ROBO2: variants seen among roughly 807,000 people sequenced by gnomAD.
ROBO2 encodes the protein roundabout homolog 2.
ROBO2 carries 53 observed loss-of-function variants against 160.8 expected under a neutral mutation model. The observed-to-expected ratio is 0.33, with a 90% CI of 0.26 to 0.41. ROBO2 has a LOEUF of 0.41. ROBO2 is among the 10% of genes least tolerant of loss of function. The pLI, the probability that ROBO2 is intolerant of heterozygous loss-of-function variation, is 1.00. For synonymous variants in ROBO2, 664 were observed against 611.7 expected (o/e 1.09, Z -1.26); for missense variants, 1,577 against 1,722.4 (o/e 0.92, Z 1.49).
intron 19 of ROBO2, among the ~76,000 whole-genome samples, chr3:77,600,024 T>G (rs919055867): frequency 6.6e-6 from 1 of 152,138 alleles, no homozygotes; most frequent in Non-Finnish European, 1.5e-5. Flanking sequence ...CAATTCCAAG[T>G]AGAGGAAGCA....
At chr3:77,213,150 G>GGCATTGAATCT (rs2084423318) in intron 2 of ROBO2, among the ~76,000 whole-genome samples, 1 of 152,134 alleles carries the variant, frequency 6.6e-6, no homozygotes, top group African/African-American at 2.4e-5. Context: ...CAGAAGGAAT[G>GGCATTGAATCT]GTACCAGCTC....
chr3:76,753,744 A>G (rs1272630952), intron 2 of ROBO2, among the ~76,000 whole-genome samples: 1 of 151,902 alleles, frequency 6.6e-6, no homozygotes, highest in African/African-American at 2.4e-5. Context: ...AACTTTTTTC[A>G]TTAAAATTTC....
Position 77,215,971 on chromosome 3 carries a change from G to A in ROBO2, c.388+117631G>A, listed in dbSNP as rs188512788. On this transcript the variant is annotated intron_variant, in intron 2 of 25. Coordinates refer to ENST00000461745, the Ensembl canonical transcript of ROBO2. ...GTTTCAGAGGAGTACCCAGCCGTGTGAGGTGTCAGTCTGCCACTACTGGGG... is the reference window on the plus strand; with the variant it reads ...GTTTCAGAGGAGTACCCAGCCGTGTAAGGTGTCAGTCTGCCACTACTGGGG... Among the ~76,000 whole-genome samples, 1,089 of 152,260 alleles carry A rather than the reference G, an allele frequency of 7.2e-3. 12 individuals are homozygous for A. The highest frequency in any genetic ancestry group is 0.024 in the African/African-American group (998 of 41,544).
chr3:77,178,978 AG>A (rs1380927257), intron 2 of ROBO2, among the ~76,000 whole-genome samples: 1 of 152,062 alleles, frequency 6.6e-6, no homozygotes, highest in African/African-American at 2.4e-5. Flanking sequence ...TGGTTCCAGG[AG>A]GTTCATTTTG....
intron 2 of ROBO2, among the ~76,000 whole-genome samples, chr3:77,102,849 CAAA>C (rs35802711): frequency 0.017 from 1,867 of 107,536 alleles, 15 homozygotes; most frequent in South Asian, 0.028. Context: ...TCTTAGTTTG[CAAA>C]AAAAAAAAAA....
intron 2 of ROBO2, among the ~76,000 whole-genome samples, chr3:77,161,300 T>A (rs1366057906): frequency 6.6e-6 from 1 of 152,252 alleles, no homozygotes; most frequent in East Asian, 1.9e-4. Flanking sequence ...CACCATTTTA[T>A]GCTTAATTTG....
At chr3:76,221,967 T>C (rs1463060624) in intron 2 of ROBO2, among the ~76,000 whole-genome samples, 4 of 152,172 alleles carry the variant, frequency 2.6e-5, no homozygotes, top group Non-Finnish European at 4.4e-5. Flanking sequence ...GTAGATAAAC[T>C]GCCACTAGGT....
At chr3:76,494,776 G>A (rs945932475) in intron 2 of ROBO2, among the ~76,000 whole-genome samples, 1 of 152,142 alleles carries the variant, frequency 6.6e-6, no homozygotes, top group African/African-American at 2.4e-5. Flanking sequence ...ATTACGCTAA[G>A]TGAAATAAGC....
At chr3:77,120,537 G>A (rs992263757) in intron 2 of ROBO2, among the ~76,000 whole-genome samples, 1 of 152,048 alleles carries the variant, frequency 6.6e-6, no homozygotes, top group African/African-American at 2.4e-5. Flanking sequence ...TGGAAGAAAA[G>A]AATTTGCTTT....
chr3:77,236,603 G>A (rs2088023373), intron 2 of ROBO2, among the ~76,000 whole-genome samples: 1 of 152,116 alleles, frequency 6.6e-6, no homozygotes, highest in Non-Finnish European at 1.5e-5. Flanking sequence ...GCATTCTATG[G>A]ACTTGGATAA....
At chr3:76,603,961 A>G (rs2087444220) in intron 2 of ROBO2, among the ~76,000 whole-genome samples, 2 of 152,346 alleles carry the variant, frequency 1.3e-5, no homozygotes, top group East Asian at 3.9e-4. Flanking sequence ...ACAGTTGTTT[A>G]CAGAAAGAAA....
At chr3:77,574,451 C>T in intron 13 of ROBO2, 48 bp from the exon 15 acceptor site, 1 of 1,487,928 alleles carries the variant, frequency 6.7e-7, no homozygotes, top group Non-Finnish European at 9.4e-7. Context: ...ATTGTGTTGT[C>T]TAAAATACTT....
intron 2 of ROBO2, among the ~76,000 whole-genome samples, chr3:76,869,504 C>T (rs2071780516): frequency 6.6e-6 from 1 of 151,788 alleles, no homozygotes; most frequent in Non-Finnish European, 1.5e-5. Context: ...CTCCCGACAC[C>T]ACGCCTCGTA....
At chr3:76,911,674 A>G (rs2075998994) in intron 2 of ROBO2, among the ~76,000 whole-genome samples, 2 of 152,200 alleles carry the variant, frequency 1.3e-5, no homozygotes, top group Non-Finnish European at 2.9e-5. Flanking sequence ...AGTTTGAAAG[A>G]TTTTTTTAAT....
At chr3:76,551,336 CA>C (rs1245430109) in intron 2 of ROBO2, among the ~76,000 whole-genome samples, 1 of 152,118 alleles carries the variant, frequency 6.6e-6, no homozygotes, top group Non-Finnish European at 1.5e-5. Flanking sequence ...CCCATCAGGA[CA>C]ACCTGCCTGC....
At chr3:76,963,536 A>G (rs1227578774) in intron 2 of ROBO2, among the ~76,000 whole-genome samples, 1 of 152,128 alleles carries the variant, frequency 6.6e-6, no homozygotes, top group East Asian at 1.9e-4. Context: ...TTCTATTCAG[A>G]TATTTCACAG....
chr3:76,727,815 GA>G (rs1458293287), intron 2 of ROBO2, among the ~76,000 whole-genome samples: 1 of 152,024 alleles, frequency 6.6e-6, no homozygotes, highest in Non-Finnish European at 1.5e-5. Flanking sequence ...TAGATAAAAG[GA>G]AAAAGTTCTC....
chr3:77,308,785 T>A (rs550837961), intron 2 of ROBO2, among the ~76,000 whole-genome samples: 1 of 152,344 alleles, frequency 6.6e-6, no homozygotes, highest in South Asian at 2.1e-4. Flanking sequence ...AGATTCTAAC[T>A]AATTCTTAGA....
At chr3:77,157,468 T>C (rs1426779807) in intron 2 of ROBO2, among the ~76,000 whole-genome samples, 1 of 152,076 alleles carries the variant, frequency 6.6e-6, no homozygotes, top group African/African-American at 2.4e-5. Context: ...AAGAAACTTA[T>C]AAAAAGTTTA....
Sources: allele counts gnomAD v4.1 joint callset (sites outside exome capture counted in the v4.1 genomes callset), GRCh38; gene constraint gnomAD v4.1.1; transcripts MANE v1.5; gene names NCBI Gene and HGNC (gene_info 2026-07-23, HGNC 2026-07-21).